Variants in RSRC2 observed in about 807,000 individuals in gnomAD.
RSRC2 encodes the protein arginine and serine rich coiled-coil 2, also known as arginine/serine-rich coiled-coil protein 2.
A neutral mutation model predicts 61.3 loss-of-function variants in RSRC2; 5 were observed. The observed-to-expected ratio is 0.08, with a 90% confidence interval of 0.04 to 0.17. The LOEUF (loss-of-function observed/expected upper bound fraction) is 0.17. RSRC2 is among the 10% of genes least tolerant of loss of function. The pLI, the probability that RSRC2 is intolerant of heterozygous loss-of-function variation, is 1.00. For missense variants in RSRC2, 381 were observed against 518.8 expected, an observed-to-expected ratio of 0.73 and a Z score of 2.58; for synonymous variants, 202 against 166.5, an observed-to-expected ratio of 1.21 and a Z score of -1.64.
At chr12:122,515,422 T>C (rs974687964) in intron 5 of RSRC2, among the ~76,000 whole-genome samples, 195 bp from the exon 6 acceptor site, 6 of 152,176 alleles carry the variant, frequency 3.9e-5, no homozygotes, top group African/African-American at 1.2e-4. Context: ...CATCCCTTTT[T>C]AAGAGACAGG....
chr12:122,507,964 C>A, intron 8 of RSRC2: 2 of 507,682 alleles, frequency 3.9e-6, no homozygotes, highest in Non-Finnish European at 7.1e-6. Context: ...CCACACCCAG[C>A]TGATTTTTAT....
rs940052738 is a variant in RSRC2 at position 122,505,340 on chromosome 12, G to C, written c.*187C>G. On this transcript the variant is annotated 3_prime_UTR_variant, in exon 10 of 10. Transcript: ENST00000331738. ...TAGTCCTGTCAAGTTTAATGGAAGT[G>C]GGTTTAACCTGATTACAACACTAAC... The C allele has an allele frequency of 1.3e-5, 6 of 473,850 alleles. No individual in the cohort carries two copies. Among genetic ancestry groups the C allele is most frequent in the African/African-American group, 2.0e-5 (1 of 50,348 alleles). 29.4% of individuals were successfully genotyped at this position (473,850 alleles called of 1,614,324 possible).
intron 3 of RSRC2, chr12:122,521,128 C>T (rs1959196296): frequency 5.2e-6 from 2 of 382,620 alleles, no homozygotes; most frequent in Middle Eastern, 1.6e-3. Context: ...CTAAAAAAAC[C>T]AATCATATTC....
At chr12:122,515,038 C>G in intron 6 of RSRC2, 67 bp downstream of exon 6, 5 of 1,521,680 alleles carry the variant, frequency 3.3e-6, no homozygotes, top group Non-Finnish European at 4.5e-6. Flanking sequence ...AAGAATTCAT[C>G]TTATCCACAC....
At chr12:122,525,311 G>A (rs895122716) in intron 1 of RSRC2, among the ~76,000 whole-genome samples, 1 of 152,180 alleles carries the variant, frequency 6.6e-6, no homozygotes, top group Non-Finnish European at 1.5e-5. Context: ...GGGAGGCGGA[G>A]GTTGCAGTGA....
chr12:122,505,767 G>T (rs1958072806), intron 9 of RSRC2, 61 bp from the exon 10 acceptor site: 4 of 1,402,808 alleles, frequency 2.9e-6, no homozygotes, highest in South Asian at 2.6e-5. Context: ...TCTCTCACTT[G>T]ACACTATTTT....
chr12:122,508,370 T>C lies in RSRC2; in HGVS notation c.883A>G (p.Met295Val). 6.2e-7 allele frequency: 1 copy of C among 1,614,224 alleles called. No individual in the cohort carries two copies. The highest frequency in any genetic ancestry group is 8.5e-7 in the Non-Finnish European group (1 of 1,180,032). Residue 295 changes from methionine (M) to valine (V), a missense_variant, in exon 8 of 10, where the codon ATG becomes GTG. This residue lies in a region of RSRC2 where 78 missense variants were observed against 183.0 expected (regional missense o/e 0.43). Transcript: ENST00000331738. ...TGCAGGGCTGCCATCTGAGCTGCCA[T>C]GGCTATCTGAGGTGTTACTTGTGTT... ...SGTQVTPQIAMAAQMAALQAK... is the reference protein window; with the variant it reads ...SGTQVTPQIAVAAQMAALQAK...
intron 7 of RSRC2, among the ~76,000 whole-genome samples, chr12:122,509,206 T>C (rs563186737): frequency 2.0e-5 from 3 of 151,956 alleles, no homozygotes; most frequent in Admixed American, 6.6e-5. Flanking sequence ...CCCAGCACTT[T>C]AGGAGGCCAA....
At chr12:122,507,107 G>A (rs895305430) in intron 8 of RSRC2, 184 bp from the exon 9 acceptor site, 6 of 614,522 alleles carry the variant, frequency 9.8e-6, no homozygotes, top group African/African-American at 3.7e-5. Flanking sequence ...GGTTGGCGCC[G>A]TGCTTCACTC....
chr12:122,524,987 G>A (rs1051469047), intron 1 of RSRC2, among the ~76,000 whole-genome samples: 1 of 152,178 alleles, frequency 6.6e-6, no homozygotes, highest in Non-Finnish European at 1.5e-5. Context: ...AAGGAGGTAA[G>A]CACTGGATTG....
intron 5 of RSRC2, among the ~76,000 whole-genome samples, chr12:122,516,191 C>A (rs546233115): frequency 4.6e-4 from 70 of 152,242 alleles, no homozygotes; most frequent in African/African-American, 1.6e-3. Flanking sequence ...ATGTTTCAAT[C>A]TTTCATACAC....
intron 3 of RSRC2, chr12:122,519,847 A>G (rs1959172621): frequency 6.6e-6 from 1 of 152,432 alleles, no homozygotes; most frequent in African/African-American, 2.4e-5. Flanking sequence ...ACCAAATACC[A>G]AAGTAGAAGT....
intron 6 of RSRC2, among the ~76,000 whole-genome samples, chr12:122,513,180 G>C (rs1383889258): frequency 2.7e-5 from 4 of 149,808 alleles, no homozygotes; most frequent in Admixed American, 6.7e-5. Flanking sequence ...GGGCAACAGA[G>C]CAAGACTCCG....
intron 7 of RSRC2, among the ~76,000 whole-genome samples, chr12:122,509,151 A>T (rs1372243315): frequency 1.3e-5 from 2 of 150,872 alleles, no homozygotes; most frequent in Non-Finnish European, 3.0e-5. Context: ...ATACTTGAAA[A>T]ACAGTATGCA....
intron 1 of RSRC2, 82 bp from the exon 2 acceptor site, chr12:122,522,381 G>A: frequency 7.9e-7 from 1 of 1,271,384 alleles, no homozygotes; most frequent in Non-Finnish European, 1.1e-6. Flanking sequence ...ACAAAGGGAG[G>A]GAAGATAGCC....
intron 6 of RSRC2, chr12:122,513,647 T>C: frequency 4.3e-6 from 1 of 230,488 alleles, no homozygotes; most frequent in Non-Finnish European, 7.2e-6. Flanking sequence ...AGTAAATTAT[T>C]TCCATACTAG....
rs765583618 is a variant in RSRC2 at position 122,505,735 on chromosome 12, G to C, written c.1126-29C>G. ...AAAATCAGACATAAAACATTACAAT[G>C]AATTCAGATGGAGATAAATATTCTC... On this transcript the variant is annotated intron_variant, in intron 9 of 9. Coordinates refer to ENST00000331738, the MANE Select transcript of RSRC2 (RefSeq NM_023012.6). 8 of 1,563,678 alleles carry C rather than the reference G, an allele frequency of 5.1e-6. No individual in the cohort carries two copies. In the African/African-American group the frequency reaches 9.5e-5, roughly 19 times the overall value.
Position 122,518,423 on chromosome 12 carries a change from T to C in RSRC2, c.398+416A>G, listed in dbSNP as rs191108474. ...GCCTGGCCAACATGGCGAAACCTCA[T>C]CTCTACTAAAAATACAAAAACTAGC... On this transcript the variant is annotated intron_variant, in intron 4 of 9. Transcript: ENST00000331738. 9.1e-4 allele frequency among the ~76,000 whole-genome samples: 139 copies of C among 151,930 alleles called. 1 individual carries two copies. Among genetic ancestry groups the C allele is most frequent in the Admixed American group, 5.4e-3 (82 of 15,280 alleles).
chr12:122,521,821 T>C (rs7307867), intron 2 of RSRC2, among the ~76,000 whole-genome samples: 92,430 of 152,064 alleles, frequency 0.61, 28,961 homozygotes, highest in African/African-American at 0.75. Context: ...TCCAACATGG[T>C]GAAACCCAGT....
Sources: gnomAD v4.1 joint callset for allele counts (sites outside exome capture counted in the v4.1 genomes callset) on GRCh38, gnomAD v4.1.1 for gene constraint, gnomAD v4.1.1 regional missense constraint, MANE v1.5 for transcripts, NCBI Gene and HGNC (gene_info 2026-07-23, HGNC 2026-07-21) for gene names.